Variants in PDE4D observed in about 807,000 individuals in gnomAD.
The protein encoded by PDE4D is phosphodiesterase 4D.
In PDE4D, 24 loss-of-function variants were observed where a neutral mutation model predicts 87.4. The observed-to-expected ratio is 0.27, with a 90% confidence interval of 0.20 to 0.39. The LOEUF is 0.39. Ranked by LOEUF, PDE4D falls within the 10% of genes least tolerant of loss-of-function variation. The probability of loss-of-function intolerance (pLI) is 1.00; values close to 1 mark genes in which losing one functional copy is unlikely to be tolerated. For synonymous variants in PDE4D, 384 were observed against 383.2 expected, an observed-to-expected ratio of 1.00 and a Z score of -0.02; for missense variants, 714 against 1,041.0, an observed-to-expected ratio of 0.69 and a Z score of 4.32.
chr5:59,301,942 G>A (rs1770334949), intron 1 of PDE4D, among the ~76,000 whole-genome samples: 1 of 152,098 alleles, frequency 6.6e-6, no homozygotes, highest in South Asian at 2.1e-4. Context: ...AAGATCCCAG[G>A]AACTAAGCAA....
At chr5:59,330,720 T>C (rs1776569292) in intron 1 of PDE4D, among the ~76,000 whole-genome samples, 1 of 152,174 alleles carries the variant, frequency 6.6e-6, no homozygotes, top group Non-Finnish European at 1.5e-5. Context: ...TTCTCTGACA[T>C]TGAAATTTCA....
At chr5:59,326,250 T>C (rs1775636296) in intron 1 of PDE4D, among the ~76,000 whole-genome samples, 1 of 152,072 alleles carries the variant, frequency 6.6e-6, no homozygotes, top group African/African-American at 2.4e-5. Context: ...ACATGTACCC[T>C]AAAACTTAAA....
At chr5:59,307,534 T>A (rs1164757671) in intron 1 of PDE4D, among the ~76,000 whole-genome samples, 2 of 151,890 alleles carry the variant, frequency 1.3e-5, no homozygotes, top group Non-Finnish European at 2.9e-5. Context: ...AACAACCCCA[T>A]CAGAAAGTGG....
intron 2 of PDE4D, among the ~76,000 whole-genome samples, chr5:59,208,029 C>A (rs566010841): frequency 6.6e-6 from 1 of 151,536 alleles, no homozygotes; most frequent in Non-Finnish European, 1.5e-5. Flanking sequence ...CAGCCAGGCA[C>A]GGTGGCAGGT....
At chr5:59,511,492 A>G (rs1427328517) in intron 1 of PDE4D, among the ~76,000 whole-genome samples, 1 of 152,006 alleles carries the variant, frequency 6.6e-6, no homozygotes, top group Non-Finnish European at 1.5e-5. Context: ...TTTTCTATAT[A>G]TAATTAGGAA....
intron 1 of PDE4D, among the ~76,000 whole-genome samples, chr5:59,829,096 T>C (rs1381029474): frequency 6.6e-6 from 1 of 152,004 alleles, no homozygotes; most frequent in African/African-American, 2.4e-5. Flanking sequence ...CAAAAGTAAT[T>C]GTAGTGAGAT....
At chr5:60,208,734 T>C (rs1355870830) in intron 1 of PDE4D, among the ~76,000 whole-genome samples, 3 of 152,206 alleles carry the variant, frequency 2.0e-5, no homozygotes, top group African/African-American at 7.2e-5. Context: ...ATATAGTCAC[T>C]GTGGTATTAA....
chr5:59,322,630 A>G (rs1774914490), intron 1 of PDE4D, among the ~76,000 whole-genome samples: 1 of 152,086 alleles, frequency 6.6e-6, no homozygotes, highest in Admixed American at 6.6e-5. Context: ...TATATTCACC[A>G]TCCTTTTCTT....
intron 1 of PDE4D, among the ~76,000 whole-genome samples, chr5:60,458,922 A>G (rs1254467102): frequency 2.0e-5 from 3 of 152,136 alleles, no homozygotes; most frequent in African/African-American, 7.2e-5. Flanking sequence ...AAGCTCGAAA[A>G]CAAAGAGCAC....
chr5:60,149,782 T>C (rs937016826), intron 2 of PDE4D, among the ~76,000 whole-genome samples: 2 of 148,974 alleles, frequency 1.3e-5, no homozygotes, highest in African/African-American at 4.9e-5. Flanking sequence ...TACATATATG[T>C]ATATATAATT....
At chr5:59,618,049 A>G (rs144442777) in intron 1 of PDE4D, among the ~76,000 whole-genome samples, 1 of 151,878 alleles carries the variant, frequency 6.6e-6, no homozygotes, top group African/African-American at 2.4e-5. Flanking sequence ...TCCTCATTTC[A>G]TTCCTTCAAC....
intron 1 of PDE4D, among the ~76,000 whole-genome samples, chr5:59,352,228 G>C (rs767482663): frequency 6.6e-6 from 1 of 152,032 alleles, no homozygotes; most frequent in Non-Finnish European, 1.5e-5. Context: ...TATATGTGTG[G>C]TCTCTAGTCC....
At chr5:59,875,625 C>G (rs1748473026) in intron 1 of PDE4D, among the ~76,000 whole-genome samples, 1 of 152,046 alleles carries the variant, frequency 6.6e-6, no homozygotes, top group African/African-American at 2.4e-5. Context: ...TCCCCACTGG[C>G]ATCCCTTATT....
chr5:59,066,000 T>C (rs1763867608), intron 5 of PDE4D, among the ~76,000 whole-genome samples: 1 of 152,158 alleles, frequency 6.6e-6, no homozygotes, highest in East Asian at 1.9e-4. Context: ...ATTTTTACCT[T>C]AAGCAAAGAT....
chr5:60,461,799 C>T (rs1249308297), intron 1 of PDE4D, among the ~76,000 whole-genome samples: 1 of 152,146 alleles, frequency 6.6e-6, no homozygotes, highest in African/African-American at 2.4e-5. Context: ...TTTGTTTCAA[C>T]CTACAAAATA....
chr5:59,999,022 A>G (rs1763782594), intron 2 of PDE4D, among the ~76,000 whole-genome samples: 1 of 152,208 alleles, frequency 6.6e-6, no homozygotes, highest in South Asian at 2.1e-4. Flanking sequence ...CCAACTTAGC[A>G]ATAATATATG....
chr5:59,037,593 GCA>G (rs1758748466), intron 6 of PDE4D, among the ~76,000 whole-genome samples: 1 of 152,050 alleles, frequency 6.6e-6, no homozygotes, highest in Admixed American at 6.5e-5. Context: ...TAGAAATGAG[GCA>G]CAAATGACAA....
At position 59,387,163 on chromosome 5, in the gene PDE4D, C is replaced by T. The variant is rs140514182; in HGVS notation, c.456-171195G>A. ...CTCTGTGGAGCACCCAACCCCATTACTCTGTAAGCAAACAAAAAGTTAACT... is the reference window on the plus strand; with the variant it reads ...CTCTGTGGAGCACCCAACCCCATTATTCTGTAAGCAAACAAAAAGTTAACT... On this transcript the variant is annotated intron_variant, in intron 1 of 14. Coordinates refer to ENST00000340635, the MANE Select transcript of PDE4D (RefSeq NM_001104631.2). Among the ~76,000 whole-genome samples the T allele has an allele frequency of 3.9e-3, 591 of 152,270 alleles. 8 individuals are homozygous for T. Among genetic ancestry groups the T allele is most frequent in the African/African-American group, 0.014 (561 of 41,552 alleles).
intron 1 of PDE4D, among the ~76,000 whole-genome samples, chr5:59,367,840 AG>A (rs1217597845): frequency 6.6e-6 from 1 of 152,204 alleles, no homozygotes; most frequent in Non-Finnish European, 1.5e-5. Flanking sequence ...GTAGATGTAA[AG>A]AAATCCACTT....
Sources: gnomAD v4.1 joint callset for allele counts (sites outside exome capture counted in the v4.1 genomes callset) on GRCh38, gnomAD v4.1.1 for gene constraint, MANE v1.5 for transcripts, NCBI Gene and HGNC (gene_info 2026-07-23, HGNC 2026-07-21) for gene names.